The following P3H2 variants were observed in gnomAD, a reference collection of about 807,000 sequenced individuals.
P3H2 encodes prolyl 3-hydroxylase 2.
P3H2 carries 80 observed loss-of-function variants against 87.0 expected under a neutral mutation model. The observed-to-expected ratio is 0.92, with a 90% CI of 0.77 to 1.11. The LOEUF is 1.11. P3H2 is among the 50% of genes least tolerant of loss of function. P3H2 has a pLI of 0.00. For synonymous variants in P3H2, 367 were observed against 359.3 expected (o/e 1.02, Z -0.24); for missense variants, 1,001 against 923.9 (o/e 1.08, Z -1.08).
intron 1 of P3H2, among the ~76,000 whole-genome samples, chr3:190,089,587 T>C (rs550318367): frequency 6.6e-6 from 1 of 152,292 alleles, no homozygotes; most frequent in Admixed American, 6.5e-5. Context: ...TAGAGGGTGG[T>C]CACACATACC....
At position 189,963,976 on chromosome 3, in the gene P3H2, G is replaced by A. The variant is rs1344114305; in HGVS notation, c.2016C>T (p.Asp672=). 3 of 1,614,006 alleles carry A rather than the reference G, an allele frequency of 1.9e-6. No individual in the cohort carries two copies. Among genetic ancestry groups the A allele is most frequent in the East Asian group, 4.5e-5 (2 of 44,890 alleles). Residue 672 remains aspartate, a synonymous_variant, in exon 14 of 15, where the codon GAC becomes GAT. Transcript: ENST00000319332. ...RCAVALWFTL[D]PLYRELERIQ... is the part of the protein sequence containing the mutation. Reference sequence around the variant, plus strand: ...AACTCACCAATTCTCTATAAAGTGGGTCCAAGGTGAACCACAGAGCCACAG... The same window carrying A: ...AACTCACCAATTCTCTATAAAGTGGATCCAAGGTGAACCACAGAGCCACAG...
Position 190,110,374 on chromosome 3 carries a change from A to C in P3H2, c.480+9878T>G, listed in dbSNP as rs1012193708. Among the ~76,000 whole-genome samples the C allele has an allele frequency of 4.6e-5, 7 of 152,320 alleles. No individual in the cohort carries two copies. The East Asian group carries it at 9.7e-4, about 21-fold the overall frequency. ...CACAACAAAGAATTATTCATCCCAG[A>C]ATATCAATCAGCCAAGGCTGAGAAA... On this transcript the variant is annotated intron_variant, in intron 1 of 14. Coordinates refer to ENST00000319332, the MANE Select transcript of P3H2 (RefSeq NM_018192.4).
intron 1 of P3H2, among the ~76,000 whole-genome samples, chr3:190,033,709 T>C (rs1420279417): frequency 6.6e-6 from 1 of 152,176 alleles, no homozygotes; most frequent in Non-Finnish European, 1.5e-5. Context: ...AAGAAGTAAC[T>C]ATTCTTACCA....
intron 1 of P3H2, among the ~76,000 whole-genome samples, chr3:190,044,067 A>G (rs1256410865): frequency 6.6e-6 from 1 of 152,202 alleles, no homozygotes; most frequent in African/African-American, 2.4e-5. Context: ...ATTTTACTTC[A>G]TTTTTAGTTA....
intron 1 of P3H2, among the ~76,000 whole-genome samples, chr3:190,046,208 T>C (rs1666405): frequency 0.83 from 125,675 of 151,886 alleles, 52,299 homozygotes; most frequent in African/African-American, 0.92. Flanking sequence ...GCCTCCACAA[T>C]CGTGTATGCC....
chr3:189,967,425 T>G (rs1163795421), intron 13 of P3H2, among the ~76,000 whole-genome samples: 1 of 147,816 alleles, frequency 6.8e-6, no homozygotes, highest in Non-Finnish European at 1.5e-5. Flanking sequence ...CATCCCTTGC[T>G]TTAAGCATCA....
chr3:190,117,984 T>C (rs1577332742), intron 1 of P3H2, among the ~76,000 whole-genome samples: 1 of 152,364 alleles, frequency 6.6e-6, no homozygotes, highest in Middle Eastern at 3.4e-3. Flanking sequence ...GCCACGGATC[T>C]TTGAAAGAAC....
intron 1 of P3H2, among the ~76,000 whole-genome samples, chr3:190,092,932 C>A (rs1727459061): frequency 6.6e-6 from 1 of 152,170 alleles, no homozygotes; most frequent in South Asian, 2.1e-4. Flanking sequence ...TTTCTAATCC[C>A]CCCCAAAAAT....
intron 1 of P3H2, among the ~76,000 whole-genome samples, chr3:190,017,711 G>A (rs1295070058): frequency 1.3e-5 from 2 of 152,148 alleles, no homozygotes; most frequent in Non-Finnish European, 2.9e-5. Flanking sequence ...GTTAGTCTTG[G>A]AGAAGGAGCA....
At chr3:190,013,608 C>G (rs1724663774) in intron 1 of P3H2, among the ~76,000 whole-genome samples, 1 of 152,178 alleles carries the variant, frequency 6.6e-6, no homozygotes, top group African/African-American at 2.4e-5. Context: ...AAATAAAAAT[C>G]TGTAAATTCC....
intron 1 of P3H2, among the ~76,000 whole-genome samples, chr3:190,035,255 CAG>C (rs1725384676): frequency 6.6e-6 from 1 of 151,950 alleles, no homozygotes; most frequent in Non-Finnish European, 1.5e-5. Flanking sequence ...ATCAGAAGAC[CAG>C]AGTTTAAATA....
At chr3:190,010,996 T>A (rs1474901404) in intron 1 of P3H2, among the ~76,000 whole-genome samples, 1 of 152,178 alleles carries the variant, frequency 6.6e-6, no homozygotes, top group East Asian at 1.9e-4. Flanking sequence ...TAAAACAGAA[T>A]GGGAAACAAA....
intron 14 of P3H2, among the ~76,000 whole-genome samples, chr3:189,959,853 AG>A (rs1722756396): frequency 7.0e-6 from 1 of 142,398 alleles, no homozygotes; most frequent in Admixed American, 7.0e-5. Context: ...CCAGGACTGG[AG>A]GAGATATGTG....
At chr3:190,088,336 T>C (rs536719374) in intron 1 of P3H2, among the ~76,000 whole-genome samples, 2 of 152,288 alleles carry the variant, frequency 1.3e-5, no homozygotes, top group South Asian at 4.1e-4. Flanking sequence ...ACTGGACACA[T>C]TCTTAGATGT....
At chr3:189,987,740 C>A (rs1345519938) in intron 4 of P3H2, 71 bp from the exon 5 acceptor site, 2 of 1,585,332 alleles carry the variant, frequency 1.3e-6, no homozygotes, top group Non-Finnish European at 1.7e-6. Flanking sequence ...GGGAGGCCAT[C>A]AACGTGTCTA....
At chr3:189,977,964 A>C (rs1723404427) in intron 8 of P3H2, among the ~76,000 whole-genome samples, 1 of 152,148 alleles carries the variant, frequency 6.6e-6, no homozygotes, top group Admixed American at 6.6e-5. Context: ...GCAATTTGGA[A>C]AAGGCTGTTC....
At chr3:189,960,398 T>C (rs1406764110) in intron 14 of P3H2, among the ~76,000 whole-genome samples, 5 of 152,240 alleles carry the variant, frequency 3.3e-5, no homozygotes, top group African/African-American at 1.2e-4. Flanking sequence ...GTCACTACTG[T>C]ATTTTCAGTG....
At chr3:190,096,557 G>A (rs924255966) in intron 1 of P3H2, among the ~76,000 whole-genome samples, 1 of 152,146 alleles carries the variant, frequency 6.6e-6, no homozygotes, top group Non-Finnish European at 1.5e-5. Flanking sequence ...ATACATAGCA[G>A]TGTGAAAATG....
At chr3:190,038,909 G>A (rs535112771) in intron 1 of P3H2, among the ~76,000 whole-genome samples, 1 of 152,304 alleles carries the variant, frequency 6.6e-6, no homozygotes, top group African/African-American at 2.4e-5. Flanking sequence ...GAGGACTGTG[G>A]CCAGGTGCGG....
Sources: gnomAD v4.1 joint callset for allele counts (sites outside exome capture counted in the v4.1 genomes callset) on GRCh38, gnomAD v4.1.1 for gene constraint, MANE v1.5 for transcripts, NCBI Gene and HGNC (gene_info 2026-07-23, HGNC 2026-07-21) for gene names.